Variants in ARL13B observed in about 807,000 individuals in gnomAD.
The protein encoded by ARL13B is ARF like GTPase 13B.
A neutral mutation model predicts 56.1 loss-of-function variants in ARL13B; 36 were observed. That is an observed-to-expected ratio of 0.64 (90% CI 0.49 to 0.85). The LOEUF is 0.85. ARL13B is among the 40% of genes least tolerant of loss of function. The pLI is 0.00. For synonymous variants in ARL13B, 178 were observed against 171.1 expected (o/e 1.04, Z -0.32); for missense variants, 519 against 507.1 (o/e 1.02, Z -0.23).
Position 94,029,765 on chromosome 3 carries a change from AAC to A in ARL13B, c.381-5562_381-5561del, listed in dbSNP as rs368470995. Reference sequence around the variant, plus strand: ...CTCTTTGTAAAAACAAAACACTGGAAACACAAAAGTCCTTCAGCGTAGAACTG... The same window carrying A: ...CTCTTTGTAAAAACAAAACACTGGAAACAAAAGTCCTTCAGCGTAGAACTG... On this transcript the variant is annotated intron_variant, in intron 3 of 9. Coordinates refer to ENST00000394222, the MANE Select transcript of ARL13B (RefSeq NM_001174150.2). Among the ~76,000 whole-genome samples the A allele has an allele frequency of 2.2e-4, 34 of 152,310 alleles. No homozygotes were observed. In the South Asian group the frequency reaches 6.6e-3, roughly 30 times the overall value.
chr3:94,010,898 A>G (rs2076213695), intron 3 of ARL13B, among the ~76,000 whole-genome samples: 2 of 152,112 alleles, frequency 1.3e-5, no homozygotes, highest in African/African-American at 2.4e-5. Context: ...TTTAGTAACA[A>G]TTACAAACAG....
chr3:94,009,727 G>C (rs1371142803), intron 3 of ARL13B, among the ~76,000 whole-genome samples: 1 of 152,008 alleles, frequency 6.6e-6, no homozygotes, highest in South Asian at 2.1e-4. Flanking sequence ...TTACCACACT[G>C]TCATCTTCAT....
intron 7 of ARL13B, among the ~76,000 whole-genome samples, chr3:94,046,050 A>G (rs888753991): frequency 3.3e-5 from 5 of 152,096 alleles, no homozygotes; most frequent in South Asian, 4.1e-4. Flanking sequence ...ACAGAGATCA[A>G]TAAAACACAA....
In ARL13B at chr3:94,015,187, G is replaced by A. The variant is rs981092901; in HGVS notation, c.380+11279G>A. On this transcript the variant is annotated intron_variant, in intron 3 of 9. Transcript: ENST00000394222. ...CTGTAGAAACACCCCTTGTTCCTCT[G>A]TTTCTGTAGTTGATACATGACTGTC... 6.2e-6 allele frequency: 10 copies of A among 1,613,336 alleles called. No homozygotes were observed. Among genetic ancestry groups the A allele is most frequent in the Admixed American group, 5.0e-5 (3 of 59,928 alleles).
In ARL13B at chr3:94,039,957, C is replaced by G; in HGVS notation, c.767C>G (p.Pro256Arg). ...LAELDPEPTN[P>R]FQPIASVIIE... ...GAGTTGGACCCAGAACCAACGAATC[C>G]TTTCCAGCCAATAGCATCTGTAATC... is the stretch of plus-strand genomic sequence containing the variant. The change falls in exon 6 of 10, where the codon CCT becomes CGT. Residue 256 changes from proline to arginine, a missense_variant. Coordinates refer to ENST00000394222, the MANE Select transcript of ARL13B (RefSeq NM_001174150.2). The G allele has an allele frequency of 1.9e-6, 3 of 1,613,894 alleles. No homozygotes were observed. Among genetic ancestry groups the G allele is most frequent in the Non-Finnish European group, 2.5e-6 (3 of 1,179,958 alleles).
At chr3:94,038,509 G>A (rs1241342294) in intron 5 of ARL13B, among the ~76,000 whole-genome samples, 1 of 139,352 alleles carries the variant, frequency 7.2e-6, no homozygotes, top group East Asian at 2.1e-4. Context: ...TTGGTCTCTG[G>A]CTGCTCTTTT....
At chr3:94,003,171 T>C (rs968568795) in intron 2 of ARL13B, among the ~76,000 whole-genome samples, 1 of 152,226 alleles carries the variant, frequency 6.6e-6, no homozygotes, top group African/African-American at 2.4e-5. Flanking sequence ...ATTGTAAATA[T>C]AACTTTAATT....
At chr3:94,045,926 G>T (rs1218470528) in intron 7 of ARL13B, among the ~76,000 whole-genome samples, 1 of 145,766 alleles carries the variant, frequency 6.9e-6, no homozygotes, top group Non-Finnish European at 1.5e-5. Flanking sequence ...ACTCCAGCCT[G>T]GGCAACAGAG....
chr3:94,032,641 C>T (rs1329671659), intron 3 of ARL13B, among the ~76,000 whole-genome samples: 11 of 152,138 alleles, frequency 7.2e-5, no homozygotes, highest in Non-Finnish European at 1.2e-4. Context: ...GGACTACAGG[C>T]GCCTGCCACC....
intron 1 of ARL13B, among the ~76,000 whole-genome samples, chr3:93,992,290 T>C (rs566748831): frequency 6.6e-6 from 1 of 152,322 alleles, no homozygotes; most frequent in East Asian, 1.9e-4. Context: ...CAGGGAATTT[T>C]TACTTTGACT....
chr3:94,020,168 G>A (rs900846766), intron 3 of ARL13B, among the ~76,000 whole-genome samples: 1 of 152,074 alleles, frequency 6.6e-6, no homozygotes, highest in Non-Finnish European at 1.5e-5. Flanking sequence ...AGAAAGTAGA[G>A]GGTCTTTATT....
rs143467251 is a variant in ARL13B at position 94,003,854 on chromosome 3, A to G, written c.326A>G (p.Glu109Gly). Reference protein sequence around the residue: ...SDEERMEETKEAMSEMLRHPR... With the variant: ...SDEERMEETKGAMSEMLRHPR... ...GAAGAGAGAATGGAAGAGACAAAAGAGGCTATGTCAGAAATGCTAAGACAT... is the reference window on the plus strand; with the variant it reads ...GAAGAGAGAATGGAAGAGACAAAAGGGGCTATGTCAGAAATGCTAAGACAT... The change falls in exon 3 of 10, where the codon GAG becomes GGG. Residue 109 changes from glutamate (E) to glycine (G), a missense_variant. Glu to Gly is a moderately conservative substitution (Grantham distance 98). Coordinates refer to ENST00000394222, the MANE Select transcript of ARL13B (RefSeq NM_001174150.2). The G allele has an allele frequency of 6.2e-7, 1 of 1,613,716 alleles. No homozygotes were observed. The highest frequency in any genetic ancestry group is 2.2e-5 in the East Asian group (1 of 44,798).
At chr3:94,040,400 C>G (rs550850447) in intron 6 of ARL13B, among the ~76,000 whole-genome samples, 1 of 152,258 alleles carries the variant, frequency 6.6e-6, no homozygotes, top group East Asian at 1.9e-4. Context: ...AAACAATTTT[C>G]TATTTTTCCA....
At chr3:94,038,805 G>A (rs2076814055) in intron 5 of ARL13B, among the ~76,000 whole-genome samples, 1 of 151,976 alleles carries the variant, frequency 6.6e-6, no homozygotes. Flanking sequence ...ACAGGCGTGA[G>A]CCACCGCACC....
At chr3:94,021,480 C>T (rs529374910) in intron 3 of ARL13B, among the ~76,000 whole-genome samples, 12 of 152,160 alleles carry the variant, frequency 7.9e-5, no homozygotes, top group Admixed American at 5.2e-4. Context: ...CAGGTACAAA[C>T]CACCATGCCT....
chr3:94,035,236 CAAA>C (rs374163446), intron 3 of ARL13B, 92 bp from the exon 4 acceptor site: 5,800 of 546,090 alleles, frequency 0.011, no homozygotes, highest in South Asian at 0.013. Flanking sequence ...GACTCAGTCT[CAAA>C]AAAAAAAAAA....
intron 3 of ARL13B, among the ~76,000 whole-genome samples, chr3:94,026,512 C>T (rs181564616): frequency 6.6e-6 from 1 of 152,196 alleles, no homozygotes; most frequent in East Asian, 1.9e-4. Flanking sequence ...TAGTTGCATA[C>T]TCATAACTAT....
chr3:94,049,585 A>G, intron 8 of ARL13B, 63 bp downstream of exon 8: 1 of 1,172,956 alleles, frequency 8.5e-7, no homozygotes, highest in Non-Finnish European at 1.3e-6. Context: ...AGAAAAAAAA[A>G]AAGAAAAAAG....
At chr3:94,011,777 C>G (rs1341307715) in intron 3 of ARL13B, among the ~76,000 whole-genome samples, 1 of 152,046 alleles carries the variant, frequency 6.6e-6, no homozygotes, top group Non-Finnish European at 1.5e-5. Flanking sequence ...TCCTTTCACT[C>G]TACATATCTC....
Sources: allele counts gnomAD v4.1 joint callset (sites outside exome capture counted in the v4.1 genomes callset), GRCh38; gene constraint gnomAD v4.1.1; transcripts MANE v1.5; gene names NCBI Gene and HGNC (gene_info 2026-07-23, HGNC 2026-07-21).